CTNNA2: variants seen among roughly 807,000 people sequenced by gnomAD.
CTNNA2 encodes catenin alpha 2, also known as catenin alpha-2.
CTNNA2 carries 42 observed loss-of-function variants against 101.0 expected under a neutral mutation model. The observed-to-expected ratio is 0.42, with a 90% confidence interval of 0.32 to 0.54. The LOEUF is 0.54. Ranked by LOEUF, CTNNA2 falls within the 20% of genes least tolerant of loss-of-function variation. The probability of loss-of-function intolerance (pLI) is 0.14; values close to 1 mark genes in which losing one functional copy is unlikely to be tolerated. For missense variants in CTNNA2, 871 were observed against 1,223.1 expected (o/e 0.71, Z 4.29); for synonymous variants, 450 against 456.4 (o/e 0.99, Z 0.18).
intron 9 of CTNNA2, among the ~76,000 whole-genome samples, chr2:80,517,542 A>T (rs189011803): frequency 2.6e-5 from 4 of 152,316 alleles, no homozygotes; most frequent in African/African-American, 9.6e-5. Flanking sequence ...GAGTTAAAGG[A>T]TGACAGGACC....
At chr2:79,628,989 T>G (rs546052909) in intron 1 of CTNNA2, among the ~76,000 whole-genome samples, 20 of 152,362 alleles carry the variant, frequency 1.3e-4, no homozygotes, top group Admixed American at 3.9e-4. Context: ...TTAGCTCTAC[T>G]GCTGAAAATT....
intron 3 of CTNNA2, among the ~76,000 whole-genome samples, chr2:79,770,849 A>C (rs1229615519): frequency 1.3e-5 from 2 of 152,224 alleles, no homozygotes; most frequent in African/African-American, 2.4e-5. Context: ...TTTCAAACTT[A>C]GTTCTATCTT....
chr2:80,489,895 T>C (rs1417601381), intron 9 of CTNNA2, among the ~76,000 whole-genome samples: 1 of 152,148 alleles, frequency 6.6e-6, no homozygotes, highest in South Asian at 2.1e-4. Flanking sequence ...CATGGTGAGG[T>C]CACACGGGTC....
At chr2:80,497,943 A>ACCCT (rs1227340468) in intron 9 of CTNNA2, among the ~76,000 whole-genome samples, 5 of 152,122 alleles carry the variant, frequency 3.3e-5, no homozygotes, top group Non-Finnish European at 7.4e-5. Flanking sequence ...GCCTCATGAA[A>ACCCT]CCCTGTTCCC....
rs772085598 is a variant in CTNNA2, at chr2:79,778,269, C to T, written c.298+33687C>T. On this transcript the variant is annotated intron_variant, in intron 3 of 18. Transcript: ENST00000402739. ...GCTGAGGCAGGAGAATGGCTTGAGA[C>T]GCCAGGTGAAGTTTTCGGTGAGCCG... Among the ~76,000 whole-genome samples the T allele has an allele frequency of 1.2e-3, 174 of 148,882 alleles. 1 individual carries two copies. The highest frequency in any genetic ancestry group is 3.2e-3 in the African/African-American group (128 of 39,746).
At chr2:80,090,303 T>C (rs1699718775) in intron 7 of CTNNA2, among the ~76,000 whole-genome samples, 1 of 151,894 alleles carries the variant, frequency 6.6e-6, no homozygotes, top group Non-Finnish European at 1.5e-5. Context: ...AATGAGTGCT[T>C]GTGCAGGCCC....
chr2:79,265,983 C>T (rs1674981961), intron 2 of CTNNA2, among the ~76,000 whole-genome samples: 2 of 152,102 alleles, frequency 1.3e-5, no homozygotes, highest in Admixed American at 1.3e-4. Context: ...TTTTGATAGC[C>T]TGCAGGATTG....
chr2:79,405,445 C>T (rs900924998), intron 4 of CTNNA2, among the ~76,000 whole-genome samples: 2 of 152,146 alleles, frequency 1.3e-5, no homozygotes, highest in African/African-American at 2.4e-5. Flanking sequence ...CCTGTCTCAG[C>T]CTCCCAAGTA....
intron 7 of CTNNA2, among the ~76,000 whole-genome samples, chr2:80,277,871 T>C (rs1674047967): frequency 6.6e-6 from 1 of 152,160 alleles, no homozygotes; most frequent in African/African-American, 2.4e-5. Context: ...CATGAAACAG[T>C]TACTAGAAGA....
At chr2:80,076,098 A>C (rs1269151406) in intron 7 of CTNNA2, among the ~76,000 whole-genome samples, 4 of 151,872 alleles carry the variant, frequency 2.6e-5, no homozygotes, top group African/African-American at 9.7e-5. Flanking sequence ...CCCTCTTTTC[A>C]AAAAGCCTCA....
intron 3 of CTNNA2, among the ~76,000 whole-genome samples, chr2:79,799,389 C>A (rs1483841876): frequency 6.6e-6 from 1 of 152,050 alleles, no homozygotes; most frequent in Non-Finnish European, 1.5e-5. Flanking sequence ...CAGATGCAGA[C>A]TGAAGAGGAA....
At chr2:80,542,983 C>G (rs1691712060) in intron 9 of CTNNA2, among the ~76,000 whole-genome samples, 1 of 152,134 alleles carries the variant, frequency 6.6e-6, no homozygotes, top group African/African-American at 2.4e-5. Flanking sequence ...TGGTTAACAT[C>G]TGCTAGAAGG....
chr2:79,680,425 T>C (rs1165966971), intron 2 of CTNNA2, among the ~76,000 whole-genome samples: 2 of 152,124 alleles, frequency 1.3e-5, no homozygotes, highest in Non-Finnish European at 2.9e-5. Context: ...GCATTTCTTA[T>C]CTCTTTTCTC....
chr2:80,606,483 A>G (rs1342122461), intron 16 of CTNNA2, among the ~76,000 whole-genome samples: 1 of 151,726 alleles, frequency 6.6e-6, no homozygotes, highest in African/African-American at 2.4e-5. Flanking sequence ...CAGTGACTCA[A>G]AATAAACGGA....
chr2:79,345,068 T>C (rs958201634), intron 3 of CTNNA2, among the ~76,000 whole-genome samples: 2 of 147,814 alleles, frequency 1.4e-5, no homozygotes, highest in Non-Finnish European at 3.0e-5. Context: ...TGGAGCTGAT[T>C]TGTTGTTGTT....
At chr2:80,486,321 T>G (rs2149509484) in intron 9 of CTNNA2, among the ~76,000 whole-genome samples, 1 of 152,318 alleles carries the variant, frequency 6.6e-6, no homozygotes, top group South Asian at 2.1e-4. Flanking sequence ...GTTCAGGCTC[T>G]GCAATTAGGG....
At chr2:80,510,935 C>T (rs769639218) in intron 9 of CTNNA2, among the ~76,000 whole-genome samples, 1 of 150,294 alleles carries the variant, frequency 6.7e-6, no homozygotes, top group Non-Finnish European at 1.5e-5. Context: ...TGACTCTGCT[C>T]TTTGTTATTT....
chr2:79,194,988 G>A (rs1673940141), intron 1 of CTNNA2, among the ~76,000 whole-genome samples: 1 of 152,058 alleles, frequency 6.6e-6, no homozygotes. Flanking sequence ...CCTGCCTGGG[G>A]AATAAGGCTC....
At chr2:80,054,979 C>G (rs991103647) in intron 7 of CTNNA2, among the ~76,000 whole-genome samples, 4 of 152,008 alleles carry the variant, frequency 2.6e-5, no homozygotes, top group Non-Finnish European at 5.9e-5. Context: ...TTAAATTAAA[C>G]TGTACTTTTA....
Sources: allele counts gnomAD v4.1 joint callset (sites outside exome capture counted in the v4.1 genomes callset), GRCh38; gene constraint gnomAD v4.1.1; transcripts MANE v1.5; gene names NCBI Gene and HGNC (gene_info 2026-07-23, HGNC 2026-07-21).